The following CSNK1G2 variants were observed in gnomAD, a reference collection of about 807,000 sequenced individuals.
CSNK1G2 encodes casein kinase 1 gamma 2.
Under a neutral mutation model 48.0 loss-of-function variants are expected in CSNK1G2, and 11 were observed. That is an observed-to-expected ratio of 0.23 (90% CI 0.14 to 0.38). The LOEUF (loss-of-function observed/expected upper bound fraction) is 0.38, where lower values mean the gene tolerates loss of function less well. Ranked by LOEUF, CSNK1G2 falls within the 10% of genes least tolerant of loss-of-function variation. CSNK1G2 has a pLI of 1.00. For synonymous variants in CSNK1G2, 337 were observed against 254.1 expected (o/e 1.33, Z -3.10); for missense variants, 446 against 595.5 (o/e 0.75, Z 2.61).
At chr19:1,980,074 G>T (rs556610487) in intron 11 of CSNK1G2, 57 bp downstream of exon 11, 136 of 1,599,062 alleles carry the variant, frequency 8.5e-5, no homozygotes, top group Middle Eastern at 6.7e-4. Context: ...TCCCCATGGG[G>T]GTGGGAGGGC....
chr19:1,944,320 G>C lies in CSNK1G2; in HGVS notation c.-266+2902G>C, dbSNP rs1223601635. ...AGGCCTGCAGTCTGGAGGCTCCCTAGGTCGGGAGGCTCCGCGTCTGCTTCT... is the reference window on the plus strand; with the variant it reads ...AGGCCTGCAGTCTGGAGGCTCCCTACGTCGGGAGGCTCCGCGTCTGCTTCT... On this transcript the variant is annotated intron_variant, in intron 1 of 11. Transcript: ENST00000255641. Among the ~76,000 whole-genome samples, 9 of 152,140 alleles carry C rather than the reference G, an allele frequency of 5.9e-5. 1 individual carries two copies. Among genetic ancestry groups the C allele is most frequent in the African/African-American group, 2.2e-4 (9 of 41,428 alleles).
chr19:1,943,819 C>A (rs567099083), intron 1 of CSNK1G2, among the ~76,000 whole-genome samples: 35 of 152,366 alleles, frequency 2.3e-4, no homozygotes, highest in South Asian at 2.1e-4. Context: ...TCTGCACCCC[C>A]CACCGAGCTG....
intron 1 of CSNK1G2, among the ~76,000 whole-genome samples, chr19:1,948,628 ACTTTTT>A (rs2014656627): frequency 6.6e-6 from 1 of 150,942 alleles, no homozygotes; most frequent in South Asian, 2.1e-4. Context: ...AGCATGAGCC[ACTTTTT>A]TTTGCTGGGA....
At chr19:1,977,153 C>T (rs939913965) in intron 2 of CSNK1G2, among the ~76,000 whole-genome samples, 7 of 152,364 alleles carry the variant, frequency 4.6e-5, no homozygotes, top group African/African-American at 1.7e-4. Flanking sequence ...ACATGGTGCC[C>T]TGTCATGCCG....
In CSNK1G2 at chr19:1,978,620, A is replaced by T; in HGVS notation, c.317A>T (p.Tyr106Phe). 3.7e-6 allele frequency: 6 copies of T among 1,601,256 alleles called. No individual in the cohort carries two copies. The highest frequency in any genetic ancestry group is 5.1e-6 in the Non-Finnish European group (6 of 1,174,544). ...GCCGCAGAGGGCGTCCCTCAGGTCT[A>T]CTACTTCGGTCCGTGCGGGAAGTAC... ...LSATEGVPQV[Y>F]YFGPCGKYNA... The change falls in exon 5 of 12, where the codon TAC becomes TTC. Residue 106 changes from tyrosine to phenylalanine, a missense_variant. Transcript: ENST00000255641. The surrounding 1 kb of genome is among the most constrained non-coding windows in gnomAD (Gnocchi z 7.3).
chr19:1,973,598 G>C (rs887093736), intron 2 of CSNK1G2, among the ~76,000 whole-genome samples: 1 of 152,242 alleles, frequency 6.6e-6, no homozygotes, highest in Non-Finnish European at 1.5e-5. Flanking sequence ...TTTTCCGTCT[G>C]CCTCTGTGCT....
chr19:1,950,323 T>C (rs2014718248), intron 1 of CSNK1G2, among the ~76,000 whole-genome samples: 1 of 147,656 alleles, frequency 6.8e-6, no homozygotes, highest in Non-Finnish European at 1.5e-5. Context: ...GTATTTTTAG[T>C]AGAGACGGGG....
chr19:1,946,090 A>G (rs1347269281), intron 1 of CSNK1G2, among the ~76,000 whole-genome samples: 2 of 151,988 alleles, frequency 1.3e-5, no homozygotes, highest in African/African-American at 2.4e-5. Flanking sequence ...TGGGAAGTGC[A>G]TCCCGTGGCC....
At chr19:1,971,792 C>T (rs533858669) in intron 2 of CSNK1G2, among the ~76,000 whole-genome samples, 6 of 121,964 alleles carry the variant, frequency 4.9e-5, no homozygotes, top group African/African-American at 6.6e-5. Context: ...TTTTTTGAGA[C>T]GGAGTCTCGC....
In CSNK1G2 at chr19:1,941,247, C is replaced by T. The variant is rs1568175310; in HGVS notation, c.-437C>T. On this transcript the variant is annotated 5_prime_UTR_variant, in exon 1 of 12. Coordinates refer to ENST00000255641, the MANE Select transcript of CSNK1G2 (RefSeq NM_001319.7). ...GCGGCGAGCCCGGCGCCTCCCGTCCCGAACATGCGGAGGCCGGCCCAGGCG... is the reference window on the plus strand; with the variant it reads ...GCGGCGAGCCCGGCGCCTCCCGTCCTGAACATGCGGAGGCCGGCCCAGGCG... 1 of 146,282 alleles carries T rather than the reference C, an allele frequency of 6.8e-6. No individual in the cohort carries two copies. The highest frequency in any genetic ancestry group is 6.8e-5 in the Admixed American group (1 of 14,672). The allele number at this position is 146,282 out of a possible 1,614,324, so 9.1% of individuals were successfully genotyped here.
chr19:1,964,211 T>C (rs2015291090), intron 1 of CSNK1G2, among the ~76,000 whole-genome samples: 1 of 151,250 alleles, frequency 6.6e-6, no homozygotes, highest in Non-Finnish European at 1.5e-5. Context: ...GAGGATCACT[T>C]GGGCCCAGGA....
At chr19:1,947,515 C>G (rs913575428) in intron 1 of CSNK1G2, among the ~76,000 whole-genome samples, 2 of 152,228 alleles carry the variant, frequency 1.3e-5, no homozygotes, top group Non-Finnish European at 2.9e-5. Flanking sequence ...CCAGGCTCTG[C>G]CTGGGGACAG....
chr19:1,960,128 C>A (rs1010404133), intron 1 of CSNK1G2, among the ~76,000 whole-genome samples: 1 of 152,210 alleles, frequency 6.6e-6, no homozygotes, highest in African/African-American at 2.4e-5. Context: ...AGTCCTGACC[C>A]TACCACAGCC....
intron 1 of CSNK1G2, among the ~76,000 whole-genome samples, chr19:1,961,561 G>C (rs1179443882): frequency 1.3e-5 from 2 of 152,212 alleles, no homozygotes; most frequent in Non-Finnish European, 2.9e-5. Context: ...GCCTGGGAGG[G>C]GCCCCAGTGT....
chr19:1,961,641 G>A (rs1032983010), intron 1 of CSNK1G2, among the ~76,000 whole-genome samples: 3 of 152,198 alleles, frequency 2.0e-5, no homozygotes, highest in Non-Finnish European at 2.9e-5. Flanking sequence ...CCCTGTGCTG[G>A]AAGAGAGATG....
intron 2 of CSNK1G2, chr19:1,975,783 C>A (rs1434714803): frequency 8.1e-6 from 8 of 984,706 alleles, no homozygotes; most frequent in Non-Finnish European, 9.6e-6. Context: ...CGCCTGTAAT[C>A]CCAACACTTT....
chr19:1,970,354 G>T (rs1193674248), intron 2 of CSNK1G2, among the ~76,000 whole-genome samples: 3 of 152,368 alleles, frequency 2.0e-5, no homozygotes, highest in South Asian at 2.1e-4. Flanking sequence ...GTCTTGGCCA[G>T]CCCGGAGCTG....
At chr19:1,955,730 C>G (rs576055697) in intron 1 of CSNK1G2, among the ~76,000 whole-genome samples, 1 of 152,264 alleles carries the variant, frequency 6.6e-6, no homozygotes, top group East Asian at 1.9e-4. Context: ...AGCGGACCCC[C>G]GTGCCACTGC....
chr19:1,948,384 G>A lies in CSNK1G2; in HGVS notation c.-266+6966G>A, dbSNP rs2083223. ...TAAAAAGACAAAAAATTAGCCGGGCGCGGTGGCAGGCGCCTGTACTCCCAG... is the reference window on the plus strand; with the variant it reads ...TAAAAAGACAAAAAATTAGCCGGGCACGGTGGCAGGCGCCTGTACTCCCAG... On this transcript the variant is annotated intron_variant, in intron 1 of 11. Coordinates refer to ENST00000255641, the MANE Select transcript of CSNK1G2 (RefSeq NM_001319.7). Among the ~76,000 whole-genome samples, 978 of 152,272 alleles carry A rather than the reference G, an allele frequency of 6.4e-3. 6 individuals are homozygous for A. The highest frequency in any genetic ancestry group is 6.9e-3 in the Non-Finnish European group (471 of 68,026).
Sources: gnomAD v4.1 joint callset for allele counts (sites outside exome capture counted in the v4.1 genomes callset) on GRCh38, gnomAD v4.1.1 for gene constraint, Gnocchi (gnomAD v3.1) non-coding constraint, MANE v1.5 for transcripts, NCBI Gene and HGNC (gene_info 2026-07-23, HGNC 2026-07-21) for gene names.